Variants in GFRAL observed in about 807,000 individuals in gnomAD.
GFRAL encodes the protein GDNF family receptor alpha-like.
GFRAL carries 36 observed loss-of-function variants against 45.4 expected under a neutral mutation model. That is an observed-to-expected ratio of 0.79 (90% CI 0.61 to 1.05). The LOEUF (loss-of-function observed/expected upper bound fraction) is 1.05, where lower values mean the gene tolerates loss of function less well. Among genes scored for constraint, GFRAL ranks in the 50% least tolerant of loss-of-function variants. The probability of loss-of-function intolerance (pLI) is 0.00; values close to 1 mark genes in which losing one functional copy is unlikely to be tolerated. For synonymous variants in GFRAL, 166 were observed against 154.1 expected (o/e 1.08, Z -0.57); for missense variants, 507 against 467.5 (o/e 1.08, Z -0.78).
chr6:55,339,171 A>C (rs1304500593), intron 3 of GFRAL, among the ~76,000 whole-genome samples: 1 of 152,218 alleles, frequency 6.6e-6, no homozygotes, highest in Non-Finnish European at 1.5e-5. Flanking sequence ...AAAATGTATT[A>C]AGCGTAATCT....
In GFRAL at chr6:55,359,287, G is replaced by C. The variant is rs147860551; in HGVS notation, c.952+149G>C. The C allele has an allele frequency of 1.3e-3, 830 of 623,334 alleles. 4 individuals carry two copies. The African/African-American group carries it at 0.013, about 10-fold the overall frequency. 38.6% of individuals were successfully genotyped at this position (623,334 alleles called of 1,614,324 possible). ...TATTGCATTTGAAAATTTGCTTTCTGATTATGTTCTGTGTATTTGCTATTT... is the reference window on the plus strand; with the variant it reads ...TATTGCATTTGAAAATTTGCTTTCTCATTATGTTCTGTGTATTTGCTATTT... On this transcript the variant is annotated intron_variant, in intron 6 of 8. Coordinates refer to ENST00000340465, the MANE Select transcript of GFRAL (RefSeq NM_207410.2).
At chr6:55,331,291 G>A (rs1286742330) in intron 1 of GFRAL, among the ~76,000 whole-genome samples, 1 of 152,088 alleles carries the variant, frequency 6.6e-6, no homozygotes, top group African/African-American at 2.4e-5. Context: ...AAAATACAAA[G>A]TGGATAAATA....
At chr6:55,393,430 G>A (rs1004885379) in intron 6 of GFRAL, among the ~76,000 whole-genome samples, 8 of 152,184 alleles carry the variant, frequency 5.3e-5, no homozygotes, top group African/African-American at 4.8e-5. Flanking sequence ...TAAAAAAGAC[G>A]TTGAATTTAC....
chr6:55,382,594 A>C (rs960288058), intron 6 of GFRAL, among the ~76,000 whole-genome samples: 1 of 151,946 alleles, frequency 6.6e-6, no homozygotes, highest in Non-Finnish European at 1.5e-5. Context: ...TGACTCTTAC[A>C]TTTTTGATTA....
At chr6:55,358,609 A>G (rs1768227724) in intron 5 of GFRAL, among the ~76,000 whole-genome samples, 1 of 152,000 alleles carries the variant, frequency 6.6e-6, no homozygotes, top group Non-Finnish European at 1.5e-5. Flanking sequence ...ATAGTCATAC[A>G]TTGGAATAAA....
At chr6:55,344,777 T>C (rs1475040725) in intron 3 of GFRAL, among the ~76,000 whole-genome samples, 3 of 152,196 alleles carry the variant, frequency 2.0e-5, no homozygotes, top group Non-Finnish European at 4.4e-5. Flanking sequence ...GACATGACTG[T>C]ATATTTAGAA....
chr6:55,386,827 AGCTG>A (rs1364791802), intron 6 of GFRAL, among the ~76,000 whole-genome samples: 1 of 152,154 alleles, frequency 6.6e-6, no homozygotes, highest in Non-Finnish European at 1.5e-5. Flanking sequence ...AATAAAATCC[AGCTG>A]GTTTAAATTT....
intron 6 of GFRAL, among the ~76,000 whole-genome samples, chr6:55,386,771 C>T (rs1768686436): frequency 6.6e-6 from 1 of 152,176 alleles, no homozygotes; most frequent in South Asian, 2.1e-4. Context: ...GAGACAAATG[C>T]TGGCTTTAGT....
chr6:55,358,353 T>G (rs778210998), intron 5 of GFRAL, among the ~76,000 whole-genome samples: 6 of 151,976 alleles, frequency 3.9e-5, no homozygotes, highest in Non-Finnish European at 5.9e-5. Flanking sequence ...TTTTTTCAAT[T>G]TTATTACAGC....
chr6:55,362,742 CT>C, intron 6 of GFRAL, among the ~76,000 whole-genome samples: 1 of 151,616 alleles, frequency 6.6e-6, no homozygotes, highest in East Asian at 1.9e-4. Flanking sequence ...TTTCCCAGAG[CT>C]TTTTTTTATT....
chr6:55,399,589 G>C (rs1034525548), intron 8 of GFRAL, 148 bp downstream of exon 8: 2 of 598,622 alleles, frequency 3.3e-6, no homozygotes, highest in Middle Eastern at 3.2e-4. Flanking sequence ...TGTGGCATAG[G>C]TCCATGGAAA....
At chr6:55,377,813 A>G (rs888355433) in intron 6 of GFRAL, among the ~76,000 whole-genome samples, 2 of 152,122 alleles carry the variant, frequency 1.3e-5, no homozygotes, top group African/African-American at 2.4e-5. Context: ...TGGCCAGTAC[A>G]TATAACAGAG....
At chr6:55,393,749 G>A (rs2127366277) in intron 6 of GFRAL, among the ~76,000 whole-genome samples, 2 of 152,250 alleles carry the variant, frequency 1.3e-5, no homozygotes, top group Admixed American at 1.3e-4. Flanking sequence ...GATTGCTAGA[G>A]TTTAGATCAT....
intron 6 of GFRAL, among the ~76,000 whole-genome samples, chr6:55,373,880 C>T (rs951593761): frequency 1.3e-5 from 2 of 152,030 alleles, no homozygotes; most frequent in Non-Finnish European, 2.9e-5. Context: ...ATTAGCTATT[C>T]TTCCTGATGC....
chr6:55,351,590 A>G lies in GFRAL; in HGVS notation c.701+7A>G. 1.9e-6 allele frequency: 3 copies of G among 1,585,502 alleles called. No homozygotes were observed. Among genetic ancestry groups the G allele is most frequent in the Non-Finnish European group, 2.6e-6 (3 of 1,158,814 alleles). The stretch of plus-strand genomic sequence containing the variant: ...AAAATGATGAATTATGCAGGTGGGT[A>G]AAAACACTCATACCTTACTTTCTTA... On this transcript the variant is annotated splice_region_variant and intron_variant, in intron 5 of 8. Transcript: ENST00000340465.
Position 55,402,016 on chromosome 6 carries a change from G to A in GFRAL, c.*163G>A, listed in dbSNP as rs1768906403. 1 of 533,066 alleles carries A rather than the reference G, an allele frequency of 1.9e-6. No individual in the cohort carries two copies. Among genetic ancestry groups the A allele is most frequent in the Non-Finnish European group, 3.2e-6 (1 of 308,504 alleles). 33.0% of individuals were successfully genotyped at this position (533,066 alleles called of 1,614,324 possible). On this transcript the variant is annotated 3_prime_UTR_variant, in exon 9 of 9. Coordinates refer to ENST00000340465, the MANE Select transcript of GFRAL (RefSeq NM_207410.2). Reference sequence around the variant, plus strand: ...TTTGTGGCGGAGTTTTGCTCTTGTTGCCCAGGCTGCAGTACAATGGCTCAA... The same window carrying A: ...TTTGTGGCGGAGTTTTGCTCTTGTTACCCAGGCTGCAGTACAATGGCTCAA...
chr6:55,343,312 A>T (rs958468633), intron 3 of GFRAL, among the ~76,000 whole-genome samples: 1 of 152,220 alleles, frequency 6.6e-6, no homozygotes, highest in Non-Finnish European at 1.5e-5. Context: ...AAGAACACAA[A>T]TTATAACAAA....
chr6:55,362,103 C>T (rs2127358075), intron 6 of GFRAL, among the ~76,000 whole-genome samples: 1 of 151,960 alleles, frequency 6.6e-6, no homozygotes, highest in Middle Eastern at 3.4e-3. Flanking sequence ...GACTTACTAA[C>T]ATGTTGTTCA....
chr6:55,350,044 T>C (rs1417703317), intron 3 of GFRAL, 48 bp from the exon 4 acceptor site: 1 of 1,155,454 alleles, frequency 8.7e-7, no homozygotes, highest in African/African-American at 1.5e-5. Context: ...TCCTAGGAAA[T>C]TCAGAAAATT....
Sources: gnomAD v4.1 joint callset for allele counts (sites outside exome capture counted in the v4.1 genomes callset) on GRCh38, gnomAD v4.1.1 for gene constraint, MANE v1.5 for transcripts, NCBI Gene and HGNC (gene_info 2026-07-23, HGNC 2026-07-21) for gene names.